Variants in EMSY observed in about 807,000 individuals in gnomAD.
EMSY encodes EMSY transcriptional repressor, BRCA2 interacting, also known as BRCA2-interacting transcriptional repressor EMSY.
A neutral mutation model predicts 134.6 loss-of-function variants in EMSY; 26 were observed. The observed-to-expected ratio is 0.19, with a 90% CI of 0.14 to 0.27. The LOEUF (loss-of-function observed/expected upper bound fraction) is 0.27, where lower values mean the gene tolerates loss of function less well. Among genes scored for constraint, EMSY ranks in the 10% least tolerant of loss-of-function variants. The pLI is 1.00. For missense variants in EMSY, 1,305 were observed against 1,611.4 expected (o/e 0.81, Z 3.26); for synonymous variants, 579 against 577.8 (o/e 1.00, Z -0.03).
exon 5 of EMSY, chr11:76,458,312 G>A (rs1319469200): frequency 2.5e-6 from 4 of 1,613,654 alleles, no homozygotes. Context: ...CAGCTATCCA[G>A]CATAATGCAT....
chr11:76,510,115 G>A, intron 9 of EMSY, among the ~76,000 whole-genome samples: 1 of 152,220 alleles, frequency 6.6e-6, no homozygotes. Context: ...AGATCTTTGG[G>A]AGGCCAAGGC....
intron 8 of EMSY, among the ~76,000 whole-genome samples, chr11:76,495,155 G>A (rs1395304922): frequency 6.6e-6 from 1 of 152,160 alleles, no homozygotes; most frequent in African/African-American, 2.4e-5. Flanking sequence ...GAGTCATAGC[G>A]ACTTCTCAAG....
intron 6 of EMSY, 142 bp from the exon 8 acceptor site, chr11:76,463,679 C>T: frequency 4.9e-6 from 4 of 815,898 alleles, no homozygotes; most frequent in East Asian, 2.8e-5. Context: ...GAGACCACTT[C>T]TCTGAGGGAA....
At chr11:76,519,847 C>T (rs1156970524) in intron 11 of EMSY, among the ~76,000 whole-genome samples, 1 of 151,956 alleles carries the variant, frequency 6.6e-6, no homozygotes, top group Admixed American at 6.6e-5. Flanking sequence ...TTATTTGCAC[C>T]CATTATATCT....
At chr11:76,502,420 C>T (rs1949906353) in intron 9 of EMSY, among the ~76,000 whole-genome samples, 1 of 143,508 alleles carries the variant, frequency 7.0e-6, no homozygotes, top group East Asian at 2.0e-4. Context: ...GAAACTCTAC[C>T]CCATTTGCAG....
chr11:76,475,814 C>G (rs1024628742), intron 8 of EMSY, among the ~76,000 whole-genome samples: 3 of 152,182 alleles, frequency 2.0e-5, no homozygotes, highest in Non-Finnish European at 4.4e-5. Flanking sequence ...GTGTCTCCTA[C>G]TATGGACTAG....
intron 7 of EMSY, among the ~76,000 whole-genome samples, chr11:76,464,840 C>CT (rs34231073): frequency 4.6e-5 from 7 of 152,108 alleles, no homozygotes; most frequent in Non-Finnish European, 1.0e-4. Context: ...TACCTTCCCA[C>CT]TTTTTTTATG....
chr11:76,544,570 C>G (rs2136762143), exon 19 of EMSY: 1 of 1,614,120 alleles, frequency 6.2e-7, no homozygotes, highest in Non-Finnish European at 8.5e-7. Flanking sequence ...TCACCCCTCT[C>G]CAGCAAGAAC....
At chr11:76,516,038 A>T in intron 10 of EMSY, 104 bp from the exon 12 acceptor site, 1 of 1,020,768 alleles carries the variant, frequency 9.8e-7, no homozygotes, top group Non-Finnish European at 1.4e-6. Context: ...TCCATTTTCA[A>T]GTTATAGCAA....
intron 8 of EMSY, among the ~76,000 whole-genome samples, chr11:76,489,347 G>A (rs1206161292): frequency 8.2e-6 from 1 of 121,746 alleles, no homozygotes; most frequent in Non-Finnish European, 1.7e-5. Context: ...TACTTGTTAT[G>A]TCAGTTACTG....
At chr11:76,491,014 G>A (rs1009993603) in intron 8 of EMSY, among the ~76,000 whole-genome samples, 5 of 151,814 alleles carry the variant, frequency 3.3e-5, no homozygotes, top group Non-Finnish European at 5.9e-5. Flanking sequence ...CTATTATCTC[G>A]AATATACTTA....
chr11:76,469,538 C>G (rs779131875), intron 7 of EMSY, among the ~76,000 whole-genome samples: 3 of 152,196 alleles, frequency 2.0e-5, no homozygotes, highest in Non-Finnish European at 2.9e-5. Context: ...AATGCCTTTA[C>G]TGATATCCTT....
intron 15 of EMSY, among the ~76,000 whole-genome samples, chr11:76,536,902 AT>A (rs1951243571): frequency 6.6e-6 from 1 of 151,962 alleles, no homozygotes; most frequent in Non-Finnish European, 1.5e-5. Context: ...TGTTTTACTT[AT>A]TTTGTTTAAT....
chr11:76,501,855 A>G (rs1346007590), intron 9 of EMSY, among the ~76,000 whole-genome samples: 3 of 151,814 alleles, frequency 2.0e-5, no homozygotes, highest in Non-Finnish European at 4.4e-5. Flanking sequence ...TACAAATAAG[A>G]TAAACAAAGA....
At chr11:76,522,520 G>A (rs1185619108) in intron 11 of EMSY, among the ~76,000 whole-genome samples, 3 of 151,456 alleles carry the variant, frequency 2.0e-5, no homozygotes, top group Non-Finnish European at 2.9e-5. Context: ...GGCGCCCGCC[G>A]CCACCCCCAG....
intron 11 of EMSY, among the ~76,000 whole-genome samples, chr11:76,517,348 A>G (rs867588196): frequency 1.3e-5 from 2 of 152,210 alleles, no homozygotes; most frequent in Admixed American, 1.3e-4. Flanking sequence ...CAGTAGGGAA[A>G]GAATCATTGT....
chr11:76,445,785 G>T (rs927384521), intron 1 of EMSY, among the ~76,000 whole-genome samples: 2 of 152,138 alleles, frequency 1.3e-5, no homozygotes, highest in African/African-American at 4.8e-5. Context: ...CGGGAGGCGG[G>T]GACTGGCTTG....
At chr11:76,527,794 GA>G (rs1001099970) in intron 13 of EMSY, among the ~76,000 whole-genome samples, 2 of 150,896 alleles carry the variant, frequency 1.3e-5, no homozygotes, top group Admixed American at 1.3e-4. Context: ...AAAAAGAAAA[GA>G]AAAAAAACTT....
chr11:76,529,050 T>C (rs889073979), intron 14 of EMSY, among the ~76,000 whole-genome samples: 8 of 152,274 alleles, frequency 5.3e-5, no homozygotes, highest in Non-Finnish European at 1.0e-4. Context: ...TGAAGCTAGA[T>C]TCTACAGCAG....
Sources: allele counts gnomAD v4.1 joint callset (sites outside exome capture counted in the v4.1 genomes callset), GRCh38; gene constraint gnomAD v4.1.1; transcripts MANE v1.5; gene names NCBI Gene and HGNC (gene_info 2026-07-23, HGNC 2026-07-21).